Variants in CIC observed in about 807,000 individuals in gnomAD.
The protein encoded by CIC is capicua transcriptional repressor.
Under a neutral mutation model 115.7 loss-of-function variants are expected in CIC, and 18 were observed. The observed-to-expected ratio is 0.16, with a 90% CI of 0.11 to 0.23. The LOEUF is 0.23. Among genes scored for constraint, CIC ranks in the 10% least tolerant of loss-of-function variants. CIC has a pLI of 1.00. For missense variants in CIC, 2,000 were observed against 2,159.3 expected (o/e 0.93, Z 1.46); for synonymous variants, 1,076 against 923.0 (o/e 1.17, Z -3.01).
In CIC at chr19:42,270,448, C is replaced by T. The variant is rs966880399; in HGVS notation, c.-11+1067C>T. ...CCCTCCTAGAGGCCTCTGTTTTGGC[C>T]TCTCAGGTTCTCTTAGTCACTTCAG... On this transcript the variant is annotated intron_variant, in intron 1 of 20. Coordinates refer to ENST00000681038, the MANE Select transcript of CIC (RefSeq NM_001386298.1). The surrounding 1 kb of genome is among the most constrained non-coding windows in gnomAD (Gnocchi z 4.1). Among the ~76,000 whole-genome samples the T allele has an allele frequency of 3.3e-5, 5 of 152,244 alleles. No individual in the cohort carries two copies. Among genetic ancestry groups the T allele is most frequent in the Non-Finnish European group, 7.3e-5 (5 of 68,044 alleles).
At chr19:42,277,098 C>T (rs2037010777) in intron 2 of CIC, among the ~76,000 whole-genome samples, 1 of 152,182 alleles carries the variant, frequency 6.6e-6, no homozygotes, top group Non-Finnish European at 1.5e-5. Context: ...TTCAATGAGT[C>T]CTGCTGAGCC....
chr19:42,279,731 G>A (rs566859438), intron 2 of CIC, among the ~76,000 whole-genome samples: 104 of 152,328 alleles, frequency 6.8e-4, no homozygotes, highest in Middle Eastern at 6.8e-3. Context: ...TTTAGAGCAG[G>A]GGAGGGAAAA....
At chr19:42,293,553 G>A (rs1445506674) in intron 16 of CIC, 39 bp from the exon 17 acceptor site, 2 of 1,613,308 alleles carry the variant, frequency 1.2e-6, no homozygotes, top group African/African-American at 1.3e-5. Flanking sequence ...CAGAGTCTGA[G>A]CTCAGTGTTC....
intron 2 of CIC, among the ~76,000 whole-genome samples, chr19:42,282,005 G>A (rs2037279340): frequency 1.3e-5 from 2 of 152,240 alleles, no homozygotes; most frequent in Admixed American, 1.3e-4. Flanking sequence ...CTCACCGGTG[G>A]GGAGAGGAGG....
chr19:42,288,678 G>T (rs1269935198), intron 7 of CIC, among the ~76,000 whole-genome samples: 1 of 152,044 alleles, frequency 6.6e-6, no homozygotes, highest in East Asian at 1.9e-4. Flanking sequence ...GCCCCCCAGG[G>T]AATGGGCCTG....
In CIC at chr19:42,287,930, C is replaced by T. The variant is rs1292046972; in HGVS notation, c.3613C>T (p.Arg1205Trp). 3 of 1,606,812 alleles carry T rather than the reference C, an allele frequency of 1.9e-6. No homozygotes were observed. The highest frequency in any genetic ancestry group is 1.7e-6 in the Non-Finnish European group (2 of 1,176,998). The stretch of plus-strand genomic sequence containing the variant: ...GCTGGCAGGAGGGCACAAGGAGACG[C>T]GGGAGCGGAGCATGTCGGAGACGGG... ...LGLAGGHKET[R>W]ERSMSETGTA... Residue 1205 changes from arginine to tryptophan, a missense_variant, in exon 7 of 21, where the codon CGG (arginine) becomes TGG (tryptophan). Physicochemically the swap from Arg to Trp is moderately radical, Grantham distance 101 (BLOSUM62 -3). Around this residue, in one of 8 missense-constraint regions of CIC, gnomAD observed 38 missense variants for 50.3 expected, o/e 0.76. Coordinates refer to ENST00000681038, the MANE Select transcript of CIC (RefSeq NM_001386298.1). The surrounding 1 kb of genome is among the most constrained non-coding windows in gnomAD (Gnocchi z 8.7).
At chr19:42,293,889 G>T in intron 17 of CIC, 46 bp from the exon 18 acceptor site, 1 of 1,613,060 alleles carries the variant, frequency 6.2e-7, no homozygotes. Context: ...GGGAGTGGGA[G>T]CAGCTGCAGG....
At position 42,273,767 on chromosome 19, in the gene CIC, C is replaced by T; in HGVS notation, c.1984C>T (p.His662Tyr). 1 of 398,802 alleles carries T rather than the reference C, an allele frequency of 2.5e-6. No homozygotes were observed. The highest frequency in any genetic ancestry group is 4.4e-6 in the Non-Finnish European group (1 of 226,084). The allele number at this position is 398,802 out of a possible 1,614,324, so 24.7% of individuals were successfully genotyped here. A position where few individuals can be genotyped will look rare whatever the true frequency, so the allele number is the denominator to read the frequency against. Residue 662 changes from histidine to tyrosine, a missense_variant, in exon 2 of 21, where the codon CAC (histidine) becomes TAC (tyrosine). Physicochemically the swap from His to Tyr is moderately conservative, Grantham distance 83. Coordinates refer to ENST00000681038, the MANE Select transcript of CIC (RefSeq NM_001386298.1). ...CCAGCGCACTGCAGTCCGCAGTCGC[C>T]ACCTGAGCGCCAGCACCCCTAAGGC... is the stretch of plus-strand genomic sequence containing the variant. ...VIQRTAVRSR[H>Y]LSASTPKAGV...
rs2037512462 is a variant in CIC, at chr19:42,284,856, G to A, written c.2795-1915G>A. The A allele has an allele frequency of 5.9e-6, 7 of 1,196,346 alleles. No individual in the cohort carries two copies. In the South Asian group the frequency reaches 9.1e-5, roughly 16 times the overall value. The allele number at this position is 1,196,346 out of a possible 1,614,324, so 74.1% of individuals were successfully genotyped here. A position where few individuals can be genotyped will look rare whatever the true frequency, so the allele number is the denominator to read the frequency against. ...AGTAACGGTGGTGGGGGTATAGTAG[G>A]GGAGAGAACAGTAGAGGCAGAGTAA... On this transcript the variant is annotated intron_variant, in intron 2 of 20. Coordinates refer to ENST00000681038, the MANE Select transcript of CIC (RefSeq NM_001386298.1).
chr19:42,294,323 C>T lies in CIC; in HGVS notation c.7054+19C>T, dbSNP rs1448504291. The T allele has an allele frequency of 6.2e-7, 1 of 1,611,668 alleles. No individual in the cohort carries two copies. Among genetic ancestry groups the T allele is most frequent in the Non-Finnish European group, 8.5e-7 (1 of 1,179,914 alleles). On this transcript the variant is annotated intron_variant, in intron 19 of 20. Transcript: ENST00000681038. ...CGTACAGGTGCCGTGGTGGGCAGAA[C>T]TTTGGGGGCCTGGGGACCTGCAAGA... is the stretch of plus-strand genomic sequence containing the variant.
Position 42,287,463 on chromosome 19 carries a change from G to T in CIC, c.3309+14G>T. ...AGCCCCAACAAGGTACTTTATCCCT[G>T]CCTGTCCTGTGCTCACCCCGTGGCC... On this transcript the variant is annotated intron_variant, in intron 5 of 20. Transcript: ENST00000681038. The surrounding 1 kb of genome is among the most constrained non-coding windows in gnomAD (Gnocchi z 8.7). 1.2e-6 allele frequency: 2 copies of T among 1,612,566 alleles called. No individual in the cohort carries two copies. The highest frequency in any genetic ancestry group is 1.7e-5 in the Admixed American group (1 of 60,030).
chr19:42,287,192 C>T lies in CIC; in HGVS notation c.3131C>T (p.Pro1044Leu), dbSNP rs1165972078. ...PTTEEEASGP[P>L]GEPRLDSETE... is the part of the protein sequence containing the mutation. ...ACGGAGGAGGAGGCCTCCGGCCCCC[C>T]AGGAGAGCCCCGGCTGGACAGTGAG... Residue 1044 changes from proline (P) to leucine (L), a missense_variant, in exon 4 of 21, where the codon CCA becomes CTA. Pro to Leu is a moderately conservative substitution (Grantham distance 98, BLOSUM62 -3). This residue lies in a region of CIC where 222 missense variants were observed against 247.7 expected (regional missense o/e 0.90). Transcript: ENST00000681038. The surrounding 1 kb of genome is among the most constrained non-coding windows in gnomAD (Gnocchi z 8.7). The T allele has an allele frequency of 6.2e-7, 1 of 1,613,470 alleles. No individual in the cohort carries two copies. Among genetic ancestry groups the T allele is most frequent in the African/African-American group, 1.3e-5 (1 of 74,908 alleles).
rs577150131 is a variant in CIC, at chr19:42,290,411, C to T, written c.4370C>T (p.Thr1457Ile). 7.4e-6 allele frequency: 12 copies of T among 1,614,128 alleles called. No homozygotes were observed. Among genetic ancestry groups the T allele is most frequent in the East Asian group, 6.7e-5 (3 of 44,878 alleles). ...SPASSSASAA[T>I]SFSLGSGTFK... ...GCTTCCTCCTCAGCCTCGGCAGCCA[C>T]CTCCTTCTCACTGGGCTCAGGAACC... Residue 1457 changes from threonine (T) to isoleucine (I), a missense_variant, in exon 11 of 21, where the codon ACC becomes ATC. Physicochemically the swap from Thr to Ile is moderately conservative, Grantham distance 89. This residue lies in a region of CIC where 1,466 missense variants were observed against 1,390.4 expected (regional missense o/e 1.05). Coordinates refer to ENST00000681038, the MANE Select transcript of CIC (RefSeq NM_001386298.1).
intron 2 of CIC, among the ~76,000 whole-genome samples, chr19:42,286,418 G>A (rs973350302): frequency 2.0e-5 from 3 of 151,988 alleles, no homozygotes; most frequent in African/African-American, 7.3e-5. Flanking sequence ...TAGAGGTCTG[G>A]GGCCTTGGGA....
chr19:42,290,369 C>T lies in CIC; in HGVS notation c.4328C>T (p.Ser1443Phe). 6.2e-7 allele frequency: 1 copy of T among 1,614,088 alleles called. No individual in the cohort carries two copies. The highest frequency in any genetic ancestry group is 1.1e-5 in the South Asian group (1 of 91,090). ...FGKGYGSAPS[S>F]SASSPASSSA... ...AAAGGCTATGGTTCCGCCCCATCCT[C>T]CTCTGCGTCCTCGCCTGCTTCCTCC... The change falls in exon 11 of 21, where the codon TCC becomes TTC. Residue 1443 changes from serine (S) to phenylalanine (F), a missense_variant. Coordinates refer to ENST00000681038, the MANE Select transcript of CIC (RefSeq NM_001386298.1).
At position 42,274,161 on chromosome 19, in the gene CIC, C is replaced by T. The variant is rs2036882984; in HGVS notation, c.2378C>T (p.Ser793Leu). ...TTGCCACCCCCTGCCGGCCTGACCT[C>T]GGATCCAGGGCCCTCTGTGCGCAGG... is the stretch of plus-strand genomic sequence containing the variant. ...LLLPPPAGLT[S>L]DPGPSVRRVP... The change falls in exon 2 of 21, where the codon TCG becomes TTG. Residue 793 changes from serine to leucine, a missense_variant. By Grantham distance (145) the Ser-to-Leu change is moderately radical. Around this residue, in one of 8 missense-constraint regions of CIC, gnomAD observed 222 missense variants for 247.7 expected, o/e 0.90. Transcript: ENST00000681038. 5 of 399,094 alleles carry T rather than the reference C, an allele frequency of 1.3e-5. No individual in the cohort carries two copies. Among genetic ancestry groups the T allele is most frequent in the Non-Finnish European group, 2.2e-5 (5 of 226,440 alleles). The allele number at this position is 399,094 out of a possible 1,614,324, so 24.7% of individuals were successfully genotyped here. A position where few individuals can be genotyped will look rare whatever the true frequency, so the allele number is the denominator to read the frequency against.
In CIC at chr19:42,293,640, G is replaced by T. The variant is rs746712092; in HGVS notation, c.6571G>T (p.Gly2191Cys). 13 of 1,613,442 alleles carry T rather than the reference G, an allele frequency of 8.1e-6. No individual in the cohort carries two copies. The African/African-American group carries it at 1.5e-4, about 18-fold the overall frequency. ...SSSDWRVPGQ[G>C]LENRGEPPTP... is the part of the protein sequence containing the mutation. ...TTCAGACTGGCGCGTCCCTGGGCAG[G>T]GCCTGGAGAATCGTGGGGAGCCTCC... Residue 2191 changes from glycine to cysteine, a missense_variant, in exon 17 of 21, where the codon GGC becomes TGC. Gly to Cys is a radical substitution (Grantham distance 159). Around this residue, in one of 8 missense-constraint regions of CIC, gnomAD observed 1,466 missense variants for 1,390.4 expected, o/e 1.05. Coordinates refer to ENST00000681038, the MANE Select transcript of CIC (RefSeq NM_001386298.1).
Position 42,291,049 on chromosome 19 carries a change from A to C in CIC, c.5008A>C (p.Thr1670Pro). The C allele has an allele frequency of 1.9e-6, 3 of 1,613,846 alleles. No individual in the cohort carries two copies. Among genetic ancestry groups the C allele is most frequent in the Non-Finnish European group, 1.7e-6 (2 of 1,179,940 alleles). Residue 1670 changes from threonine to proline, a missense_variant, in exon 11 of 21, where the codon ACT (threonine) becomes CCT (proline). Transcript: ENST00000681038. ...TGTGGGGAAGGCGCCTGCCACTGTC[A>C]CTAACCTACTGGTGGGCACCCCGGG... Reference protein sequence around the residue: ...GTVGKAPATVTNLLVGTPGYG... With the variant: ...GTVGKAPATVPNLLVGTPGYG...
chr19:42,290,570 A>G lies in CIC; in HGVS notation c.4529A>G (p.Lys1510Arg). 1 of 1,613,648 alleles carries G rather than the reference A, an allele frequency of 6.2e-7. No homozygotes were observed. Among genetic ancestry groups the G allele is most frequent in the Non-Finnish European group, 8.5e-7 (1 of 1,179,880 alleles). Residue 1510 changes from lysine (K) to arginine (R), a missense_variant, in exon 11 of 21, where the codon AAG becomes AGG. By Grantham distance (26) the Lys-to-Arg change is conservative. Coordinates refer to ENST00000681038, the MANE Select transcript of CIC (RefSeq NM_001386298.1). Reference protein sequence around the residue: ...LPMDPATFRRKRPESVGGLEP... With the variant: ...LPMDPATFRRRRPESVGGLEP... ...ATGGATCCTGCCACCTTCCGGCGCA[A>G]GAGACCCGAAAGTGTGGGTGGCCTG...
Sources: allele counts gnomAD v4.1 joint callset (sites outside exome capture counted in the v4.1 genomes callset), GRCh38; gene constraint gnomAD v4.1.1; regional missense constraint gnomAD v4.1.1; non-coding constraint Gnocchi (gnomAD v3.1); transcripts MANE v1.5; gene names NCBI Gene and HGNC (gene_info 2026-07-23, HGNC 2026-07-21).